PPP2R3B: variants seen among roughly 807,000 people sequenced by gnomAD.
PPP2R3B encodes protein phosphatase 2 regulatory subunit B''beta.
PPP2R3B carries 68 observed loss-of-function variants against 72.9 expected under a neutral mutation model. The observed-to-expected ratio is 0.93, with a 90% CI of 0.77 to 1.14. PPP2R3B has a LOEUF of 1.14. Among genes scored for constraint, PPP2R3B ranks in the 50% most tolerant of loss-of-function variants. The pLI, the probability that PPP2R3B is intolerant of heterozygous loss-of-function variation, is 0.00. For synonymous variants in PPP2R3B, 466 were observed against 375.8 expected (o/e 1.24, Z -2.78); for missense variants, 1,018 against 842.0 (o/e 1.21, Z -2.59).
chrX:338,317 G>C (rs1394400594), intron 12 of PPP2R3B: 1 of 567,836 alleles, frequency 1.8e-6, no homozygotes, highest in Non-Finnish European at 3.2e-6. Context: ...AACACGACTC[G>C]GCCTCCCCGT....
rs376793836 is a variant in PPP2R3B at position 386,423 on chromosome X, C to A, written c.269G>T (p.Ser90Ile). 2 of 1,319,284 alleles carry A rather than the reference C, an allele frequency of 1.5e-6. No homozygotes were observed. Among genetic ancestry groups the A allele is most frequent in the African/African-American group, 1.5e-5 (1 of 66,314 alleles). The allele number at this position is 1,319,284 out of a possible 1,614,324, so 81.7% of individuals were successfully genotyped here. ...GPALPLGAAS[S>I]PRNAPHVRGT... ...TCGAACGTGGGGCGCGTTCCTGGGG[C>A]TGGAGGCGGCGCCCAGGGGCAGCGC... Residue 90 changes from serine to isoleucine, a missense_variant, in exon 1 of 13, where the codon AGC becomes ATC. Coordinates refer to ENST00000390665, the MANE Select transcript of PPP2R3B (RefSeq NM_013239.5).
chrX:370,988 C>T (rs909455595), intron 1 of PPP2R3B, among the ~76,000 whole-genome samples: 11 of 152,088 alleles, frequency 7.2e-5, no homozygotes, highest in East Asian at 1.9e-4. Context: ...TGAAGAGGGG[C>T]GTCTGTGTGC....
chrX:361,132 C>A (rs1319627409), intron 2 of PPP2R3B, among the ~76,000 whole-genome samples: 1 of 152,212 alleles, frequency 6.6e-6, no homozygotes, highest in Non-Finnish European at 1.5e-5. Context: ...CTGCGCTCTT[C>A]ACAGCATCAG....
rs767931956 is a variant in PPP2R3B at position 345,305 on chromosome X, T to C, written c.1036+211A>G. 1.1e-5 allele frequency: 8 copies of C among 757,572 alleles called. No individual in the cohort carries two copies. The South Asian group carries it at 1.2e-4, about 11-fold the overall frequency. 46.9% of individuals were successfully genotyped at this position (757,572 alleles called of 1,614,324 possible). A position where few individuals can be genotyped will look rare whatever the true frequency, so the allele number is the denominator to read the frequency against. On this transcript the variant is annotated intron_variant, in intron 7 of 12. Transcript: ENST00000390665. Reference sequence around the variant, plus strand: ...CTGTAGACGCCCCCAGGCAGAGGCCTCGGGCAGAGGCGCACGCGGGGACCC... The same window carrying C: ...CTGTAGACGCCCCCAGGCAGAGGCCCCGGGCAGAGGCGCACGCGGGGACCC...
intron 12 of PPP2R3B, 64 bp downstream of exon 12, chrX:338,540 G>GTCCTCCCACTCACCCA: frequency 1.7e-6 from 2 of 1,170,350 alleles, no homozygotes; most frequent in East Asian, 3.2e-5. Flanking sequence ...CCACTCACCC[G>GTCCTCCCACTCACCCA]TCCTCCCCAC....
chrX:356,881 A>G (rs111268151), intron 2 of PPP2R3B, among the ~76,000 whole-genome samples: 49 of 87,026 alleles, frequency 5.6e-4, no homozygotes, highest in Middle Eastern at 4.5e-3. Flanking sequence ...CAGTATCCAC[A>G]CCCCGCCAGC....
Position 338,792 on chromosome X carries a change from T to C in PPP2R3B, c.1456A>G (p.Ile486Val), listed in dbSNP as rs146420141. ...KYLDHEQKEQISLLRDGDSGG... is the reference protein window; with the variant it reads ...KYLDHEQKEQVSLLRDGDSGG... ...GCCGCACTCACCCTGAGCAGGGAGA[T>C]CTGCTCTTTCTGCTCGTGGTCGAGG... The change falls in exon 11 of 13, where the codon ATC becomes GTC. Residue 486 changes from isoleucine to valine, a missense_variant. Physicochemically the swap from Ile to Val is conservative, Grantham distance 29 (BLOSUM62 3). Coordinates refer to ENST00000390665, the MANE Select transcript of PPP2R3B (RefSeq NM_013239.5). 2.5e-6 allele frequency: 4 copies of C among 1,612,164 alleles called. No homozygotes were observed. The highest frequency in any genetic ancestry group is 3.4e-6 in the Non-Finnish European group (4 of 1,179,608).
chrX:348,197 T>C (rs184742122), intron 2 of PPP2R3B, among the ~76,000 whole-genome samples: 331 of 152,168 alleles, frequency 2.2e-3, no homozygotes, highest in African/African-American at 7.7e-3. Flanking sequence ...AACAAATACA[T>C]GGCAGAGATG....
intron 12 of PPP2R3B, chrX:338,251 C>G (rs1195075263): frequency 6.6e-6 from 3 of 453,730 alleles, no homozygotes; most frequent in African/African-American, 4.0e-5. Flanking sequence ...GGCCACGGGC[C>G]CTGCAGCCTG....
At chrX:342,042 C>G in intron 7 of PPP2R3B, 111 bp from the exon 8 acceptor site, 2 of 1,397,088 alleles carry the variant, frequency 1.4e-6, no homozygotes, top group Admixed American at 3.4e-5. Context: ...GAGAGGACGC[C>G]TGGGTCTGGG....
intron 2 of PPP2R3B, among the ~76,000 whole-genome samples, chrX:348,766 T>C (rs1360852870): frequency 6.6e-6 from 1 of 151,694 alleles, no homozygotes; most frequent in Non-Finnish European, 1.5e-5. Flanking sequence ...AGAAATTGTG[T>C]CCATAATTTA....
chrX:335,662 ACAG>A (rs1334410142), intron 12 of PPP2R3B: 3 of 152,212 alleles, frequency 2.0e-5, no homozygotes, highest in Non-Finnish European at 4.4e-5. Context: ...CTCAAGGAAA[ACAG>A]CAGAACAAAG....
chrX:384,779 G>A, intron 1 of PPP2R3B, among the ~76,000 whole-genome samples: 1 of 151,740 alleles, frequency 6.6e-6, no homozygotes, highest in South Asian at 2.1e-4. Context: ...GAGGTCAGGA[G>A]TTTGAGACCA....
intron 6 of PPP2R3B, 79 bp downstream of exon 6, chrX:346,095 G>C (rs867685465): frequency 1.6e-6 from 1 of 617,460 alleles, no homozygotes; most frequent in South Asian, 1.8e-5. Context: ...GAGGGAGGGG[G>C]GAGGAGGGAA....
intron 1 of PPP2R3B, among the ~76,000 whole-genome samples, chrX:382,190 T>G (rs1325624357): frequency 7.1e-6 from 1 of 140,102 alleles, no homozygotes; most frequent in East Asian, 2.1e-4. Context: ...TCTCATCTTT[T>G]TTTTTCTTTT....
At chrX:341,693 G>T in intron 8 of PPP2R3B, 190 bp downstream of exon 8, 1 of 718,368 alleles carries the variant, frequency 1.4e-6, no homozygotes, top group East Asian at 2.7e-5. Flanking sequence ...CAGACTTCGC[G>T]TGACAGTCTT....
At chrX:349,140 G>A (rs929061854) in intron 2 of PPP2R3B, among the ~76,000 whole-genome samples, 3 of 152,114 alleles carry the variant, frequency 2.0e-5, no homozygotes, top group Non-Finnish European at 2.9e-5. Context: ...AGATCCACGT[G>A]CTGAAATCCT....
intron 1 of PPP2R3B, among the ~76,000 whole-genome samples, chrX:368,412 C>G (rs28681261): frequency 1.7e-4 from 7 of 41,218 alleles, no homozygotes; most frequent in Admixed American, 9.3e-4. Flanking sequence ...GGCACCGACA[C>G]GGGGAAGGCC....
rs377240520 is a variant in PPP2R3B at position 338,742 on chromosome X, G to T, written c.1471-32C>A. Reference sequence around the variant, plus strand: ...GAAGCACACGGGTTACGTACACGGCGTGGCGCGGCCCGGCCCGCGTGCCCG... The same window carrying T: ...GAAGCACACGGGTTACGTACACGGCTTGGCGCGGCCCGGCCCGCGTGCCCG... On this transcript the variant is annotated intron_variant, in intron 11 of 12. Transcript: ENST00000390665. 67 of 1,611,768 alleles carry T rather than the reference G, an allele frequency of 4.2e-5. 1 individual carries two copies. Among genetic ancestry groups the T allele is most frequent in the Middle Eastern group, 1.7e-4 (1 of 5,910 alleles).
Sources: gnomAD v4.1 joint callset for allele counts (sites outside exome capture counted in the v4.1 genomes callset) on GRCh38, gnomAD v4.1.1 for gene constraint, MANE v1.5 for transcripts, NCBI Gene and HGNC (gene_info 2026-07-23, HGNC 2026-07-21) for gene names.